RABGAP1L: variants seen among roughly 807,000 people sequenced by gnomAD.
The protein encoded by RABGAP1L is rab GTPase-activating protein 1-like.
A neutral mutation model predicts 137.7 loss-of-function variants in RABGAP1L; 63 were observed. The ratio of observed to expected loss-of-function variants is 0.46; its 90% confidence interval spans 0.37 to 0.56. RABGAP1L has a LOEUF of 0.56. Among genes scored for constraint, RABGAP1L ranks in the 20% least tolerant of loss-of-function variants. RABGAP1L has a pLI of 0.00. For synonymous variants in RABGAP1L, 431 were observed against 433.7 expected (o/e 0.99, Z 0.08); for missense variants, 1,095 against 1,244.0 (o/e 0.88, Z 1.80).
intron 14 of RABGAP1L, among the ~76,000 whole-genome samples, chr1:174,664,220 G>A (rs555328199): frequency 6.6e-6 from 1 of 152,102 alleles, no homozygotes; most frequent in Admixed American, 6.5e-5. Context: ...TTCAGTGTTG[G>A]GGCACCTTTA....
intron 13 of RABGAP1L, among the ~76,000 whole-genome samples, chr1:174,587,855 GATTTATTT>G (rs201546627): frequency 0.019 from 2,895 of 152,088 alleles, 43 homozygotes; most frequent in Middle Eastern, 0.075. Flanking sequence ...ATACTCTTTA[GATTTATTT>G]ATTTATTTAT....
intron 18 of RABGAP1L, among the ~76,000 whole-genome samples, chr1:174,805,208 A>G (rs141321506): frequency 8.5e-5 from 13 of 152,300 alleles, no homozygotes; most frequent in Non-Finnish European, 1.6e-4. Flanking sequence ...TGCTTAATTC[A>G]TATCACTGGG....
chr1:174,498,336 T>C (rs1281657869), intron 13 of RABGAP1L, among the ~76,000 whole-genome samples: 4 of 152,210 alleles, frequency 2.6e-5, no homozygotes, highest in African/African-American at 4.8e-5. Flanking sequence ...GGAATGCTAA[T>C]TAATTAAAAG....
intron 4 of RABGAP1L, among the ~76,000 whole-genome samples, chr1:174,241,153 C>T (rs1326835701): frequency 6.6e-6 from 1 of 152,052 alleles, no homozygotes; most frequent in African/African-American, 2.4e-5. Flanking sequence ...AACCCTGTCT[C>T]TACAAGAAAT....
Position 174,711,200 on chromosome 1 carries a change from G to A in RABGAP1L, c.2169+8944G>A, listed in dbSNP as rs545759093. On this transcript the variant is annotated intron_variant, in intron 17 of 25. Coordinates refer to ENST00000681986, the MANE Select transcript of RABGAP1L (RefSeq NM_001366446.1). ...GCCCGCAAGTGCCATGTACAGCCCC[G>A]GTTCCCACCTGCGCCTCTCCCTCCA... Among the ~76,000 whole-genome samples, 7 of 151,612 alleles carry A rather than the reference G, an allele frequency of 4.6e-5. No individual in the cohort carries two copies. In the South Asian group the frequency reaches 1.1e-3, roughly 23 times the overall value.
At chr1:174,675,635 G>A (rs1204162277) in intron 14 of RABGAP1L, among the ~76,000 whole-genome samples, 1 of 152,022 alleles carries the variant, frequency 6.6e-6, no homozygotes, top group South Asian at 2.1e-4. Flanking sequence ...GAAAGTCATT[G>A]GTAGCTTGAT....
At chr1:174,745,855 A>G (rs1361627421) in intron 17 of RABGAP1L, among the ~76,000 whole-genome samples, 1 of 152,164 alleles carries the variant, frequency 6.6e-6, no homozygotes, top group Non-Finnish European at 1.5e-5. Context: ...ACAGAACCCC[A>G]TTTCCTCTAG....
chr1:174,165,476 G>T (rs1664828298), intron 1 of RABGAP1L, among the ~76,000 whole-genome samples: 1 of 151,242 alleles, frequency 6.6e-6, no homozygotes, highest in African/African-American at 2.4e-5. Flanking sequence ...GATAAAAGAA[G>T]AGGTGACATT....
intron 16 of RABGAP1L, chr1:174,701,286 A>G: frequency 8.9e-7 from 1 of 1,123,982 alleles, no homozygotes; most frequent in Non-Finnish European, 1.1e-6. Context: ...ACCTTTGCAT[A>G]ATTTCTTTGC....
At chr1:174,590,352 AT>A (rs755901559) in intron 13 of RABGAP1L, among the ~76,000 whole-genome samples, 168 of 83,148 alleles carry the variant, frequency 2.0e-3, no homozygotes, top group East Asian at 3.1e-3. Flanking sequence ...TTTTTTATTT[AT>A]TTTTTTTTTA....
At chr1:174,396,352 CA>C (rs1040959657) in intron 13 of RABGAP1L, among the ~76,000 whole-genome samples, 4 of 151,604 alleles carry the variant, frequency 2.6e-5, no homozygotes, top group African/African-American at 7.3e-5. Flanking sequence ...TTCACACACA[CA>C]AAAAAAGATC....
intron 13 of RABGAP1L, among the ~76,000 whole-genome samples, chr1:174,449,922 A>C (rs1000905014): frequency 6.6e-6 from 1 of 151,994 alleles, no homozygotes; most frequent in Non-Finnish European, 1.5e-5. Flanking sequence ...ATCTGCATCC[A>C]TTGGTACCTT....
chr1:174,532,989 C>T (rs1355655859), intron 13 of RABGAP1L, among the ~76,000 whole-genome samples: 1 of 152,204 alleles, frequency 6.6e-6, no homozygotes, highest in African/African-American at 2.4e-5. Flanking sequence ...AATCCCAGCA[C>T]TTTGGGAGGC....
chr1:174,260,125 G>A (rs1673464660), intron 7 of RABGAP1L, among the ~76,000 whole-genome samples: 1 of 152,116 alleles, frequency 6.6e-6, no homozygotes, highest in Admixed American at 6.6e-5. Context: ...AAGCCACCAC[G>A]CCTGGCCTAT....
intron 11 of RABGAP1L, among the ~76,000 whole-genome samples, chr1:174,345,518 T>G (rs1275183577): frequency 6.6e-6 from 1 of 152,176 alleles, no homozygotes; most frequent in Admixed American, 6.5e-5. Context: ...TTGGTTAAGT[T>G]AATTCATAGG....
intron 19 of RABGAP1L, among the ~76,000 whole-genome samples, chr1:174,815,382 C>T (rs1690291032): frequency 6.6e-6 from 1 of 152,214 alleles, no homozygotes. Context: ...GAAAGTTTAA[C>T]TCCTTATCCA....
At chr1:174,856,343 C>G (rs897748580) in intron 19 of RABGAP1L, among the ~76,000 whole-genome samples, 4 of 150,818 alleles carry the variant, frequency 2.7e-5, no homozygotes, top group African/African-American at 4.9e-5. Context: ...TGCAGTGAAC[C>G]AAGATCGTGC....
intron 11 of RABGAP1L, among the ~76,000 whole-genome samples, chr1:174,338,281 A>G (rs896684744): frequency 1.3e-5 from 2 of 152,178 alleles, no homozygotes; most frequent in African/African-American, 4.8e-5. Context: ...TCTAGCCTCA[A>G]TCATATGTAA....
intron 17 of RABGAP1L, among the ~76,000 whole-genome samples, chr1:174,744,942 C>T (rs989417491): frequency 6.6e-6 from 1 of 152,110 alleles, no homozygotes; most frequent in African/African-American, 2.4e-5. Context: ...CTTCTTGGTA[C>T]TGTTTTTGCA....
Sources: gnomAD v4.1 joint callset for allele counts (sites outside exome capture counted in the v4.1 genomes callset) on GRCh38, gnomAD v4.1.1 for gene constraint, MANE v1.5 for transcripts, NCBI Gene and HGNC (gene_info 2026-07-23, HGNC 2026-07-21) for gene names.